Variants in DGKH observed in about 807,000 individuals in gnomAD.
The protein encoded by DGKH is DAG kinase eta.
DGKH carries 90 observed loss-of-function variants against 159.3 expected under a neutral mutation model. The ratio of observed to expected loss-of-function variants is 0.57; its 90% confidence interval spans 0.48 to 0.67. The LOEUF (loss-of-function observed/expected upper bound fraction) is 0.67, where lower values mean the gene tolerates loss of function less well. Among genes scored for constraint, DGKH ranks in the 30% least tolerant of loss-of-function variants. The pLI is 0.00. For missense variants in DGKH, 1,181 were observed against 1,506.1 expected (o/e 0.78, Z 3.57); for synonymous variants, 536 against 553.8 (o/e 0.97, Z 0.45).
chr13:42,166,720 G>A lies in DGKH; in HGVS notation c.1118+46G>A, dbSNP rs751905217. 2.1e-6 allele frequency: 3 copies of A among 1,410,256 alleles called. No homozygotes were observed. In the South Asian group the frequency reaches 5.5e-5, roughly 26 times the overall value. 87.4% of individuals were successfully genotyped at this position (1,410,256 alleles called of 1,614,324 possible). On this transcript the variant is annotated intron_variant, in intron 9 of 29. Coordinates refer to ENST00000337343, the MANE Select transcript of DGKH (RefSeq NM_178009.5). Reference sequence around the variant, plus strand: ...CTTATTTGAATACAATGTAGGACTAGGTGTTAAATGTGTTTGGTTTTTCAG... The same window carrying A: ...CTTATTTGAATACAATGTAGGACTAAGTGTTAAATGTGTTTGGTTTTTCAG...
At chr13:42,248,283 A>G (rs1174351331) in intron 29 of DGKH, among the ~76,000 whole-genome samples, 2 of 152,106 alleles carry the variant, frequency 1.3e-5, no homozygotes, top group East Asian at 3.9e-4. Flanking sequence ...TTAGCTGGAC[A>G]TGGTGGCACA....
intron 21 of DGKH, among the ~76,000 whole-genome samples, chr13:42,208,028 G>A (rs200802073): frequency 2.0e-5 from 3 of 152,046 alleles, no homozygotes; most frequent in Non-Finnish European, 4.4e-5. Flanking sequence ...TAGGTAGTCC[G>A]ACAATGTTCT....
At chr13:42,252,645 C>T (rs988139989) in intron 30 of DGKH, among the ~76,000 whole-genome samples, 1 of 152,126 alleles carries the variant, frequency 6.6e-6, no homozygotes, top group Non-Finnish European at 1.5e-5. Context: ...AGGTAAGCTC[C>T]CCAGACACTA....
intron 7 of DGKH, 57 bp downstream of exon 7, chr13:42,160,193 C>T: frequency 6.2e-7 from 1 of 1,611,852 alleles, no homozygotes; most frequent in Non-Finnish European, 8.5e-7. Flanking sequence ...CTAACTTTGT[C>T]ATCCACGTGG....
intron 3 of DGKH, among the ~76,000 whole-genome samples, chr13:42,133,319 A>G (rs1371008669): frequency 6.6e-6 from 1 of 152,134 alleles, no homozygotes; most frequent in African/African-American, 2.4e-5. Flanking sequence ...TATTTTAGGC[A>G]TGAGAAGACT....
chr13:42,128,842 G>A (rs993830301), intron 2 of DGKH, among the ~76,000 whole-genome samples: 4 of 152,186 alleles, frequency 2.6e-5, no homozygotes, highest in Non-Finnish European at 5.9e-5. Context: ...TAGTTCTACA[G>A]TCTACTTCAG....
chr13:42,186,225 A>T (rs1330362942), intron 13 of DGKH, among the ~76,000 whole-genome samples: 1 of 152,194 alleles, frequency 6.6e-6, no homozygotes, highest in Non-Finnish European at 1.5e-5. Flanking sequence ...CAATACTATG[A>T]TTTAAAAAAT....
At chr13:42,079,941 A>G (rs1465035068) in intron 1 of DGKH, among the ~76,000 whole-genome samples, 8 of 152,186 alleles carry the variant, frequency 5.3e-5, no homozygotes, top group Non-Finnish European at 8.8e-5. Context: ...TTAATACACA[A>G]ATAACTTGGC....
intron 9 of DGKH, 34 bp downstream of exon 9, chr13:42,166,708 A>C (rs758945622): frequency 2.0e-6 from 3 of 1,519,314 alleles, no homozygotes; most frequent in Non-Finnish European, 1.8e-6. Context: ...ATTTGAATAC[A>C]ATGTAGGACT....
chr13:42,201,951 C>T (rs1271703499), intron 20 of DGKH, among the ~76,000 whole-genome samples: 3 of 152,044 alleles, frequency 2.0e-5, no homozygotes, highest in Admixed American at 2.0e-4. Context: ...TTACTAATGC[C>T]TTTTTTCCCC....
intron 29 of DGKH, among the ~76,000 whole-genome samples, chr13:42,250,681 A>G (rs745463643): frequency 6.6e-6 from 1 of 152,240 alleles, no homozygotes; most frequent in Non-Finnish European, 1.5e-5. Context: ...TCCCTGCGGC[A>G]CTTCAGCAGA....
rs1566166026 is a variant in DGKH, at chr13:42,181,873, C to CAGGTCTCAT, written c.1538+3653_1538+3654insAGGTCTCAT. On this transcript the variant is annotated intron_variant, in intron 13 of 29. Coordinates refer to ENST00000337343, the MANE Select transcript of DGKH (RefSeq NM_178009.5). The stretch of plus-strand genomic sequence containing the variant: ...TGAGCTGCTGGTGCTGGCAGCTGAG[C>CAGGTCTCAT]TGCTGGTGCTGGCAGCTGAGCTGCT... The CAGGTCTCAT allele has an allele frequency of 2.6e-3, 77 of 29,634 alleles. 1 individual carries two copies. The highest frequency in any genetic ancestry group is 3.7e-3 in the East Asian group (11 of 2,978). The allele number at this position is 29,634 out of a possible 1,614,324, so 1.8% of individuals were successfully genotyped here.
At chr13:42,119,391 C>T (rs1955024539) in intron 1 of DGKH, among the ~76,000 whole-genome samples, 1 of 152,220 alleles carries the variant, frequency 6.6e-6, no homozygotes, top group Non-Finnish European at 1.5e-5. Flanking sequence ...CAGAGACGCT[C>T]CTCTTAGCCG....
chr13:42,115,522 A>G (rs554471238), intron 1 of DGKH, among the ~76,000 whole-genome samples: 3 of 152,144 alleles, frequency 2.0e-5, no homozygotes, highest in Non-Finnish European at 4.4e-5. Flanking sequence ...GCTTTGAAGG[A>G]GGATGGGATG....
chr13:42,245,523 A>G (rs762519609), downstream of DGKH, among the ~76,000 whole-genome samples: 1 of 152,232 alleles, frequency 6.6e-6, no homozygotes, highest in Non-Finnish European at 1.5e-5. Flanking sequence ...TAAATGAACC[A>G]GAATTTAAAC....
chr13:42,168,152 T>C (rs1191312243), intron 9 of DGKH, among the ~76,000 whole-genome samples: 1 of 152,226 alleles, frequency 6.6e-6, no homozygotes, highest in African/African-American at 2.4e-5. Flanking sequence ...TCCACCATCT[T>C]GTATTACTTT....
rs1882711523 is a variant in DGKH, at chr13:42,068,120, T to C, written c.192+19155T>C. Among the ~76,000 whole-genome samples, 5 of 152,062 alleles carry C rather than the reference T, an allele frequency of 3.3e-5. No individual in the cohort carries two copies. The South Asian group carries it at 1.0e-3, about 32-fold the overall frequency. On this transcript the variant is annotated intron_variant, in intron 1 of 29. Transcript: ENST00000337343. ...CAGTGAGCACGTTACTTAAAATGAG[T>C]ATGTGGACCGCCTTAGGATAAACTG...
At chr13:42,247,288 T>C (rs978239764), downstream of DGKH, among the ~76,000 whole-genome samples, 1 of 149,098 alleles carries the variant, frequency 6.7e-6, no homozygotes, top group African/African-American at 2.5e-5. Context: ...TGGAATACAA[T>C]GGCATGATCT....
intron 1 of DGKH, among the ~76,000 whole-genome samples, chr13:42,104,049 C>T (rs1185436520): frequency 6.6e-6 from 1 of 152,186 alleles, no homozygotes; most frequent in African/African-American, 2.4e-5. Context: ...AGTAACAGTT[C>T]AGAGGTATGT....
Sources: gnomAD v4.1 joint callset for allele counts (sites outside exome capture counted in the v4.1 genomes callset) on GRCh38, gnomAD v4.1.1 for gene constraint, MANE v1.5 for transcripts, NCBI Gene and HGNC (gene_info 2026-07-23, HGNC 2026-07-21) for gene names.